Variants in DNAH6 observed in about 807,000 individuals in gnomAD.
DNAH6 encodes axonemal beta dynein heavy chain 6.
A neutral mutation model predicts 491.4 loss-of-function variants in DNAH6; 340 were observed. That is an observed-to-expected ratio of 0.69 (90% CI 0.63 to 0.76). The LOEUF is 0.76. Among genes scored for constraint, DNAH6 ranks in the 30% least tolerant of loss-of-function variants. The probability of loss-of-function intolerance (pLI) is 0.00; values close to 1 mark genes in which losing one functional copy is unlikely to be tolerated. For synonymous variants in DNAH6, 1,603 were observed against 1,686.1 expected, an observed-to-expected ratio of 0.95 and a Z score of 1.21; for missense variants, 4,443 against 4,972.2, an observed-to-expected ratio of 0.89 and a Z score of 3.20.
At chr2:84,819,206 G>T in intron 76 of DNAH6, 99 bp from the exon 77 acceptor site, 1 of 777,662 alleles carries the variant, frequency 1.3e-6, no homozygotes, top group Non-Finnish European at 2.1e-6. Flanking sequence ...GGCAAGTCAG[G>T]CCTGGAACCC....
chr2:84,710,382 C>A lies in DNAH6; in HGVS notation c.9348C>A (p.Ile3116=). The change falls in exon 56 of 77, where the codon ATC becomes ATA. Residue 3116 remains isoleucine, a synonymous_variant. Coordinates refer to ENST00000389394, the MANE Select transcript of DNAH6 (RefSeq NM_001370.2). ...TCTTACGAATACTCGAGAATTCAAT[C>A]CGACTTGGTTTACCTGTCTTACTGG... ...SNFLRILENS[I]RLGLPVLLEE... The A allele has an allele frequency of 1.9e-6, 3 of 1,551,794 alleles. No homozygotes were observed. The highest frequency in any genetic ancestry group is 2.6e-6 in the Non-Finnish European group (3 of 1,146,958).
At chr2:84,812,587 C>A in intron 73 of DNAH6, 61 bp downstream of exon 73, 1 of 1,359,628 alleles carries the variant, frequency 7.4e-7, no homozygotes, top group South Asian at 1.4e-5. Context: ...CCTAAGGTCC[C>A]TAGGAAGCAC....
chr2:84,595,789 G>T lies in DNAH6; in HGVS notation c.2868G>T (p.Lys956Asn), dbSNP rs1299628615. 10 of 1,543,810 alleles carry T rather than the reference G, an allele frequency of 6.5e-6. No homozygotes were observed. The highest frequency in any genetic ancestry group is 1.4e-5 in the African/African-American group (1 of 72,582). The change falls in exon 18 of 77, where the codon AAG becomes AAT. Residue 956 changes from lysine to asparagine, a missense_variant and splice_region_variant. Lys to Asn is a moderately conservative substitution (Grantham distance 94). Transcript: ENST00000389394. ...ACAAGGTGGAAAAAATGAAAGAAAA[G>T]GTAAGGTTGGTAGAAGTTATTTCAA... ...LKYKVEKMKE[K>N]LPVIIDLRNP...
intron 11 of DNAH6, among the ~76,000 whole-genome samples, chr2:84,559,050 A>G (rs7559623): frequency 0.92 from 140,214 of 152,250 alleles, 64,789 homozygotes; most frequent in East Asian, 1. Context: ...TCAACATATG[A>G]TTGTAACTGT....
At chr2:84,541,171 C>T (rs1346075357) in intron 4 of DNAH6, among the ~76,000 whole-genome samples, 1 of 152,056 alleles carries the variant, frequency 6.6e-6, no homozygotes, top group Non-Finnish European at 1.5e-5. Context: ...TCATAGGAGT[C>T]GTGGTTCAAC....
chr2:84,731,535 G>A (rs6705719), intron 61 of DNAH6, among the ~76,000 whole-genome samples: 5,699 of 152,292 alleles, frequency 0.037, 124 homozygotes, highest in Middle Eastern at 0.092. Context: ...ATGCCCCTGC[G>A]AAAAGTGCAA....
chr2:84,610,439 G>T (rs147999762), intron 21 of DNAH6, among the ~76,000 whole-genome samples: 2 of 152,192 alleles, frequency 1.3e-5, no homozygotes, highest in Admixed American at 6.5e-5. Context: ...CACATCTTGG[G>T]GGCCACCTTA....
rs2105224779 is a variant in DNAH6 at position 84,781,735 on chromosome 2, C to T, written c.10864+82C>T. ...GTTGAATTCATTCCTTATAGTAATT[C>T]ATTATTGTAGGCACTGTGTTTCCAT... On this transcript the variant is annotated intron_variant, in intron 65 of 76. Coordinates refer to ENST00000389394, the MANE Select transcript of DNAH6 (RefSeq NM_001370.2). The T allele has an allele frequency of 2.8e-6, 4 of 1,417,888 alleles. No individual in the cohort carries two copies. The South Asian group carries it at 6.1e-5, about 22-fold the overall frequency. The allele number at this position is 1,417,888 out of a possible 1,614,324, so 87.8% of individuals were successfully genotyped here. A position where few individuals can be genotyped will look rare whatever the true frequency, so the allele number is the denominator to read the frequency against.
At chr2:84,711,773 T>G (rs1697069237) in intron 56 of DNAH6, among the ~76,000 whole-genome samples, 1 of 152,216 alleles carries the variant, frequency 6.6e-6, no homozygotes, top group Admixed American at 6.5e-5. Context: ...GTGACCAAGC[T>G]TGGCCTTGAC....
chr2:84,803,567 T>C (rs1171243997), intron 70 of DNAH6, among the ~76,000 whole-genome samples: 1 of 151,558 alleles, frequency 6.6e-6, no homozygotes, highest in Non-Finnish European at 1.5e-5. Context: ...AATAATAAAA[T>C]GCTAAAAATC....
At chr2:84,816,129 C>A in intron 76 of DNAH6, 46 bp downstream of exon 76, 1 of 1,437,914 alleles carries the variant, frequency 7.0e-7, no homozygotes, top group Non-Finnish European at 9.5e-7. Flanking sequence ...CAAATGCAAT[C>A]TTCAATCAAA....
intron 11 of DNAH6, among the ~76,000 whole-genome samples, chr2:84,568,585 A>C (rs1681463301): frequency 6.6e-6 from 1 of 152,098 alleles, no homozygotes; most frequent in African/African-American, 2.4e-5. Context: ...AGGGAGAACA[A>C]CAGGATAAAT....
chr2:84,625,778 T>G lies in DNAH6; in HGVS notation c.4515+715T>G, dbSNP rs76389102. Among the ~76,000 whole-genome samples, 421 of 152,336 alleles carry G rather than the reference T, an allele frequency of 2.8e-3. 1 individual carries two copies. The highest frequency in any genetic ancestry group is 9.3e-3 in the African/African-American group (386 of 41,584). ...GCTATTATGCTAATATTTGGCATAA[T>G]AGAAGACAGCCAGATTCTCTGATTT... On this transcript the variant is annotated intron_variant, in intron 29 of 76. Coordinates refer to ENST00000389394, the MANE Select transcript of DNAH6 (RefSeq NM_001370.2).
At chr2:84,600,592 C>T (rs952194638) in intron 18 of DNAH6, among the ~76,000 whole-genome samples, 1 of 151,988 alleles carries the variant, frequency 6.6e-6, no homozygotes, top group Non-Finnish European at 1.5e-5. Context: ...TGTATAATAT[C>T]CTTCAATTTG....
Position 84,670,311 on chromosome 2 carries a change from A to T in DNAH6, c.6307-17A>T. ...GGTTATATTCATGTGACATTAATTA[A>T]CTTATTTTAATTTAAGTCTGTGATT... On this transcript the variant is annotated splice_polypyrimidine_tract_variant and intron_variant, in intron 38 of 76. Transcript: ENST00000389394. 1 of 1,476,086 alleles carries T rather than the reference A, an allele frequency of 6.8e-7. No individual in the cohort carries two copies. Among genetic ancestry groups the T allele is most frequent in the Non-Finnish European group, 9.2e-7 (1 of 1,089,536 alleles). 91.4% of individuals were successfully genotyped at this position (1,476,086 alleles called of 1,614,324 possible). A position where few individuals can be genotyped will look rare whatever the true frequency, so the allele number is the denominator to read the frequency against.
intron 4 of DNAH6, among the ~76,000 whole-genome samples, chr2:84,532,136 A>G (rs78134717): frequency 0.029 from 4,363 of 152,266 alleles, 228 homozygotes; most frequent in African/African-American, 0.099. Flanking sequence ...TCTATTTACC[A>G]GCACAATATA....
the DNAH6 span, among the ~76,000 whole-genome samples, chr2:84,504,571 T>C: frequency 6.6e-6 from 1 of 152,170 alleles, no homozygotes; most frequent in Non-Finnish European, 1.5e-5. Flanking sequence ...TTCCAGATAT[T>C]TGAAAGGACT....
intron 22 of DNAH6, among the ~76,000 whole-genome samples, chr2:84,615,164 G>A (rs10205171): frequency 0.1 from 15,573 of 152,064 alleles, 1,817 homozygotes; most frequent in African/African-American, 0.29. Context: ...GAATTGTTAT[G>A]GTTTCAGGTC....
chr2:84,513,214 T>G (rs985903480), upstream of DNAH6, among the ~76,000 whole-genome samples: 4 of 152,170 alleles, frequency 2.6e-5, no homozygotes, highest in African/African-American at 9.6e-5. Flanking sequence ...ATACTTTCTT[T>G]GTTTGCATGT....
Sources: gnomAD v4.1 joint callset for allele counts (sites outside exome capture counted in the v4.1 genomes callset) on GRCh38, gnomAD v4.1.1 for gene constraint, MANE v1.5 for transcripts, NCBI Gene and HGNC (gene_info 2026-07-23, HGNC 2026-07-21) for gene names.